The following SLC6A11 variants were observed in gnomAD, a reference collection of about 807,000 sequenced individuals.
SLC6A11 encodes solute carrier family 6 member 11, also known as sodium- and chloride-dependent GABA transporter 3.
In SLC6A11, 25 loss-of-function variants were observed where a neutral mutation model predicts 74.8. That is an observed-to-expected ratio of 0.33 (90% CI 0.24 to 0.47). The LOEUF (loss-of-function observed/expected upper bound fraction) is 0.47, where lower values mean the gene tolerates loss of function less well. SLC6A11 is among the 20% of genes least tolerant of loss of function. SLC6A11 has a pLI of 1.00. For missense variants in SLC6A11, 574 were observed against 837.0 expected, an observed-to-expected ratio of 0.69 and a Z score of 3.88; for synonymous variants, 330 against 330.2, an observed-to-expected ratio of 1.00 and a Z score of 0.01.
chr3:10,894,412 G>A (rs1695145646), intron 6 of SLC6A11, among the ~76,000 whole-genome samples: 2 of 152,220 alleles, frequency 1.3e-5, no homozygotes, highest in Admixed American at 6.5e-5. Flanking sequence ...CATTGGGCCT[G>A]CAGAGAGCAG....
At chr3:10,873,971 T>TACGCTACGCTAC (rs1559567234) in intron 5 of SLC6A11, among the ~76,000 whole-genome samples, 5 of 130,444 alleles carry the variant, frequency 3.8e-5, no homozygotes, top group African/African-American at 1.8e-4. Context: ...CGCTATGCTA[T>TACGCTACGCTAC]GCTACGCTAC....
At chr3:10,820,136 G>C (rs370366777) in intron 3 of SLC6A11, among the ~76,000 whole-genome samples, 6 of 152,178 alleles carry the variant, frequency 3.9e-5, no homozygotes, top group Admixed American at 2.6e-4. Flanking sequence ...CCCTTTGGGG[G>C]CAGGATGGGG....
chr3:10,929,963 G>A lies in SLC6A11; in HGVS notation c.1371+624G>A, dbSNP rs553868330. Among the ~76,000 whole-genome samples the A allele has an allele frequency of 9.2e-5, 14 of 152,174 alleles. No homozygotes were observed. The South Asian group carries it at 2.7e-3, about 29-fold the overall frequency. On this transcript the variant is annotated intron_variant, in intron 10 of 13. Coordinates refer to ENST00000254488, the MANE Select transcript of SLC6A11 (RefSeq NM_014229.3). The stretch of plus-strand genomic sequence containing the variant: ...ATAAATACCTTCTTATGTATCTTGG[G>A]AAGGTAACATTAGGTATTTTTCTCC...
chr3:10,873,398 T>TCCTATCCTA (rs1694852173), intron 5 of SLC6A11, among the ~76,000 whole-genome samples: 1 of 4,148 alleles, frequency 2.4e-4, no homozygotes, highest in Non-Finnish European at 5.8e-4. Flanking sequence ...TCCTATCCTA[T>TCCTATCCTA]GCTATCCTAT....
In SLC6A11 at chr3:10,919,234, T is replaced by C. The variant is rs116415019; in HGVS notation, c.1120+781T>C. On this transcript the variant is annotated intron_variant, in intron 8 of 13. Transcript: ENST00000254488. Reference sequence around the variant, plus strand: ...ATTGTGCAAAATGGTGAAAAACTCTTTCCGTGATTTCCATGGTATTTGAAT... The same window carrying C: ...ATTGTGCAAAATGGTGAAAAACTCTCTCCGTGATTTCCATGGTATTTGAAT... Among the ~76,000 whole-genome samples the C allele has an allele frequency of 2.6e-3, 398 of 152,272 alleles. 1 individual carries two copies. Among genetic ancestry groups the C allele is most frequent in the African/African-American group, 8.9e-3 (371 of 41,548 alleles).
chr3:10,849,188 A>G (rs1049028750), intron 5 of SLC6A11, among the ~76,000 whole-genome samples: 2 of 152,232 alleles, frequency 1.3e-5, no homozygotes, highest in Non-Finnish European at 2.9e-5. Flanking sequence ...TCTCAATTGT[A>G]TATTAAGTCC....
chr3:10,925,671 A>G (rs1396591229), intron 8 of SLC6A11, among the ~76,000 whole-genome samples: 1 of 152,158 alleles, frequency 6.6e-6, no homozygotes, highest in Non-Finnish European at 1.5e-5. Context: ...GGTAGGCCTG[A>G]GAATCTGCAT....
At chr3:10,883,581 C>T (rs1695008063) in intron 6 of SLC6A11, among the ~76,000 whole-genome samples, 1 of 152,076 alleles carries the variant, frequency 6.6e-6, no homozygotes, top group South Asian at 2.1e-4. Flanking sequence ...GTGAGAGCAC[C>T]TCAGAACACC....
chr3:10,873,689 C>CATCCT (rs796960855), intron 5 of SLC6A11, among the ~76,000 whole-genome samples: 18,025 of 134,556 alleles, frequency 0.13, 1,349 homozygotes, highest in South Asian at 0.17. Context: ...TATCCCGTCC[C>CATCCT]ATCCTATCCT....
rs868667747 is a variant in SLC6A11 at position 10,883,594 on chromosome 3, A to T, written c.891+8499A>T. Among the ~76,000 whole-genome samples, 3 of 152,186 alleles carry T rather than the reference A, an allele frequency of 2.0e-5. 1 individual carries two copies. The highest frequency in any genetic ancestry group is 1.5e-5 in the Non-Finnish European group (1 of 68,004). On this transcript the variant is annotated intron_variant, in intron 6 of 13. Coordinates refer to ENST00000254488, the MANE Select transcript of SLC6A11 (RefSeq NM_014229.3). ...CTGTGAGAGCACCTCAGAACACCAA[A>T]TCTTCCCTGCCTCCCCAACCCACAA...
intron 3 of SLC6A11, among the ~76,000 whole-genome samples, chr3:10,821,318 A>G (rs1282844369): frequency 3.9e-5 from 6 of 152,194 alleles, no homozygotes; most frequent in South Asian, 2.1e-4. Context: ...GACTTTATGC[A>G]TGTTTATAAT....
Position 10,933,159 on chromosome 3 carries a change from G to A in SLC6A11, c.1380G>A (p.Met460Ile). ...TGTTCCCCGACCTGCAGGGTGGCAT[G>A]TACATCTTCCAGCTCTTTGACTCCT... is the stretch of plus-strand genomic sequence containing the variant. ...LGLVMLTEGGMYIFQLFDSYA... is the reference protein window; with the variant it reads ...LGLVMLTEGGIYIFQLFDSYA... Residue 460 changes from methionine (M) to isoleucine (I), a missense_variant, in exon 11 of 14, where the codon ATG becomes ATA. By Grantham distance (10) the Met-to-Ile change is conservative (BLOSUM62 1). Coordinates refer to ENST00000254488, the MANE Select transcript of SLC6A11 (RefSeq NM_014229.3). The A allele has an allele frequency of 6.2e-7, 1 of 1,613,618 alleles. No individual in the cohort carries two copies. The highest frequency in any genetic ancestry group is 8.5e-7 in the Non-Finnish European group (1 of 1,179,536).
At chr3:10,849,818 A>C (rs1003992619) in intron 5 of SLC6A11, among the ~76,000 whole-genome samples, 90 of 130,210 alleles carry the variant, frequency 6.9e-4, no homozygotes, top group Non-Finnish European at 8.4e-4. Flanking sequence ...AAAAAAAAAA[A>C]AAAACGAAAA....
chr3:10,834,292 G>T (rs991390548), intron 4 of SLC6A11, among the ~76,000 whole-genome samples: 20 of 151,692 alleles, frequency 1.3e-4, no homozygotes, highest in African/African-American at 4.6e-4. Context: ...GGACTGCTGT[G>T]TGCTGCCTCT....
At chr3:10,873,685 G>GTCCCA (rs1559567026) in intron 5 of SLC6A11, among the ~76,000 whole-genome samples, 4 of 48,092 alleles carry the variant, frequency 8.3e-5, no homozygotes, top group South Asian at 1.0e-3. Context: ...ATCCTATCCC[G>GTCCCA]TCCCATCCTA....
chr3:10,874,662 A>G (rs757967080), intron 5 of SLC6A11, among the ~76,000 whole-genome samples: 4 of 152,176 alleles, frequency 2.6e-5, no homozygotes, highest in African/African-American at 7.2e-5. Context: ...CCTCCTGATT[A>G]GTGATGCCCC....
intron 11 of SLC6A11, 48 bp downstream of exon 11, chr3:10,933,301 C>T (rs1345240328): frequency 7.4e-7 from 1 of 1,347,114 alleles, no homozygotes; most frequent in East Asian, 2.3e-5. Context: ...CACCAGGTAC[C>T]CAGGATCCTG....
Position 10,817,979 on chromosome 3 carries a change from TC to T in SLC6A11, c.256+1460del, listed in dbSNP as rs112910687. 3.9e-3 allele frequency among the ~76,000 whole-genome samples: 599 copies of T among 152,148 alleles called. 2 individuals are homozygous for T. Among genetic ancestry groups the T allele is most frequent in the African/African-American group, 0.014 (579 of 41,472 alleles). On this transcript the variant is annotated intron_variant, in intron 1 of 13. Transcript: ENST00000254488. Reference sequence around the variant, plus strand: ...ACAAATTGTTTTAACATCTTTTTTTTCCATACAGGAAATTGTTGTGCCAAAA... The same window carrying T: ...ACAAATTGTTTTAACATCTTTTTTTTCATACAGGAAATTGTTGTGCCAAAA...
At chr3:10,819,389 T>G in intron 1 of SLC6A11, 76 bp from the exon 2 acceptor site, 2 of 1,402,996 alleles carry the variant, frequency 1.4e-6, no homozygotes, top group Non-Finnish European at 2.0e-6. Context: ...CTGTAGTAGA[T>G]GTTTATTAAA....
Sources: gnomAD v4.1 joint callset for allele counts (sites outside exome capture counted in the v4.1 genomes callset) on GRCh38, gnomAD v4.1.1 for gene constraint, MANE v1.5 for transcripts, NCBI Gene and HGNC (gene_info 2026-07-23, HGNC 2026-07-21) for gene names.